NANOS1: variants seen among roughly 807,000 people sequenced by gnomAD.
NANOS1 encodes the protein nanos C2HC-type zinc finger 1.
Under a neutral mutation model 1.1 loss-of-function variants are expected in NANOS1, and 1 was observed. The observed-to-expected ratio is 0.88, with a 90% CI of 0.31 to 4.20. The LOEUF (loss-of-function observed/expected upper bound fraction) is 4.20, where lower values mean the gene tolerates loss of function less well. NANOS1 is among the 30% of genes most tolerant of loss of function. NANOS1 has a pLI of 0.17. For synonymous variants in NANOS1, 252 were observed against 230.6 expected (o/e 1.09, Z -0.84); for missense variants, 537 against 457.9 (o/e 1.17, Z -1.58).
At position 119,029,949 on chromosome 10, in the gene NANOS1, G is replaced by C; in HGVS notation, c.148G>C (p.Ala50Pro). ...CTCCTGGAACGACTACCTGGGGCTCGCCACGCTCATCACCAAAGCGGTGGA... is the reference window on the plus strand; with the variant it reads ...CTCCTGGAACGACTACCTGGGGCTCCCCACGCTCATCACCAAAGCGGTGGA... ...FSSWNDYLGL[A>P]TLITKAVDGE... The change falls in exon 1 of 1, where the codon GCC becomes CCC. Residue 50 changes from alanine (A) to proline (P), a missense_variant. Physicochemically the swap from Ala to Pro is conservative, Grantham distance 27. Transcript: ENST00000425699. The C allele has an allele frequency of 7.0e-7, 1 of 1,434,804 alleles. No individual in the cohort carries two copies. Among genetic ancestry groups the C allele is most frequent in the East Asian group, 3.1e-5 (1 of 32,440 alleles). 88.9% of individuals were successfully genotyped at this position (1,434,804 alleles called of 1,614,324 possible). A position where few individuals can be genotyped will look rare whatever the true frequency, so the allele number is the denominator to read the frequency against.
At position 119,030,091 on chromosome 10, in the gene NANOS1, G is replaced by T; in HGVS notation, c.290G>T (p.Gly97Val). The stretch of plus-strand genomic sequence containing the variant: ...ACGGGGGCCGGGCCTGGGGCGCTGG[G>T]GCCGGCGCTGGGGCCGCCCGACTAC... ...PHTGAGPGALGPALGPPDYDE... is the reference protein window; with the variant it reads ...PHTGAGPGALVPALGPPDYDE... The change falls in exon 1 of 1, where the codon GGG (glycine) becomes GTG (valine). Residue 97 changes from glycine to valine, a missense_variant. Transcript: ENST00000425699. The surrounding 1 kb of genome is among the most constrained non-coding windows in gnomAD (Gnocchi z 5.3). 7.6e-7 allele frequency: 1 copy of T among 1,312,816 alleles called. No individual in the cohort carries two copies. Among genetic ancestry groups the T allele is most frequent in the South Asian group, 2.1e-5 (1 of 47,982 alleles). 81.3% of individuals were successfully genotyped at this position (1,312,816 alleles called of 1,614,324 possible). A position where few individuals can be genotyped will look rare whatever the true frequency, so the allele number is the denominator to read the frequency against.
chr10:119,030,124 A>T lies in NANOS1; in HGVS notation c.323A>T (p.Asp108Val). Residue 108 changes from aspartate to valine, a missense_variant, in exon 1 of 1, where the codon GAC becomes GTC. By Grantham distance (152) the Asp-to-Val change is radical. Coordinates refer to ENST00000425699, the MANE Select transcript of NANOS1 (RefSeq NM_199461.4). The surrounding 1 kb of genome is among the most constrained non-coding windows in gnomAD (Gnocchi z 5.3). ...PALGPPDYDE[D>V]DDDDSDEPGS... ...CTGGGGCCGCCCGACTACGACGAGGACGACGACGACGACAGCGACGAGCCG... is the reference window on the plus strand; with the variant it reads ...CTGGGGCCGCCCGACTACGACGAGGTCGACGACGACGACAGCGACGAGCCG... 1.5e-6 allele frequency: 2 copies of T among 1,324,298 alleles called. No homozygotes were observed. Among genetic ancestry groups the T allele is most frequent in the South Asian group, 2.0e-5 (1 of 49,200 alleles). The allele number at this position is 1,324,298 out of a possible 1,614,324, so 82.0% of individuals were successfully genotyped here. A position where few individuals can be genotyped will look rare whatever the true frequency, so the allele number is the denominator to read the frequency against.
At position 119,033,645 on chromosome 10, in the gene NANOS1, AATT is replaced by A. The variant is rs1452951894; in HGVS notation, c.*2970_*2972del. 4.2e-5 allele frequency: 7 copies of A among 166,688 alleles called. No homozygotes were observed. The highest frequency in any genetic ancestry group is 1.7e-4 in the African/African-American group (7 of 41,562). 10.3% of individuals were successfully genotyped at this position (166,688 alleles called of 1,614,324 possible). A position where few individuals can be genotyped will look rare whatever the true frequency, so the allele number is the denominator to read the frequency against. ...ACAAAGTCCTTTTTGGAAGTTGCAG[AATT>A]ATTAGCTTTGATGAGAACAACTTTT... On this transcript the variant is annotated 3_prime_UTR_variant, in exon 1 of 1. Coordinates refer to ENST00000425699, the MANE Select transcript of NANOS1 (RefSeq NM_199461.4).
rs1286556793 is a variant in NANOS1 at position 119,030,654 on chromosome 10, G to C, written c.853G>C (p.Gly285Arg). 4 of 1,390,554 alleles carry C rather than the reference G, an allele frequency of 2.9e-6. No homozygotes were observed. Among genetic ancestry groups the C allele is most frequent in the African/African-American group, 1.5e-5 (1 of 67,166 alleles). The allele number at this position is 1,390,554 out of a possible 1,614,324, so 86.1% of individuals were successfully genotyped here. ...CCCGCCGCCCCGCAGCGCCAGGGAC[G>C]GCCCGCCTGGCAAGAAGCTGCGCTG... is the stretch of plus-strand genomic sequence containing the variant. Reference protein sequence around the residue: ...ARPPPRSARDGPPGKKLR With the variant: ...ARPPPRSARDRPPGKKLR Residue 285 changes from glycine to arginine, a missense_variant, in exon 1 of 1, where the codon GGC (glycine) becomes CGC (arginine). Physicochemically the swap from Gly to Arg is moderately radical, Grantham distance 125. Coordinates refer to ENST00000425699, the MANE Select transcript of NANOS1 (RefSeq NM_199461.4). The surrounding 1 kb of genome is among the most constrained non-coding windows in gnomAD (Gnocchi z 5.3).
At position 119,030,218 on chromosome 10, in the gene NANOS1, C is replaced by T. The variant is rs544963826; in HGVS notation, c.417C>T (p.Ala139=). ...LRALELCAGP[A]EAGLLEERFA... ...CGCTGGAGCTGTGCGCGGGCCCCGC[C>T]GAGGCCGGGCTGCTGGAGGAGCGCT... The change falls in exon 1 of 1, where the codon GCC becomes GCT. Residue 139 remains alanine, a synonymous_variant. Transcript: ENST00000425699. This position sits in a 1 kb window ranked among gnomAD's most constrained non-coding sequence, Gnocchi z 5.3. 5 of 1,285,858 alleles carry T rather than the reference C, an allele frequency of 3.9e-6. No individual in the cohort carries two copies. In the Admixed American group the frequency reaches 1.6e-4, roughly 41 times the overall value. 79.7% of individuals were successfully genotyped at this position (1,285,858 alleles called of 1,614,324 possible).
At position 119,030,610 on chromosome 10, in the gene NANOS1, T is replaced by C. The variant is rs1564744976; in HGVS notation, c.809T>C (p.Val270Ala). 8 of 1,483,514 alleles carry C rather than the reference T, an allele frequency of 5.4e-6. No homozygotes were observed. The highest frequency in any genetic ancestry group is 7.1e-6 in the Non-Finnish European group (8 of 1,119,484). The allele number at this position is 1,483,514 out of a possible 1,614,324, so 91.9% of individuals were successfully genotyped here. The change falls in exon 1 of 1, where the codon GTG (valine) becomes GCG (alanine). Residue 270 changes from valine (V) to alanine (A), a missense_variant. Physicochemically the swap from Val to Ala is moderately conservative, Grantham distance 64. Transcript: ENST00000425699. The surrounding 1 kb of genome is among the most constrained non-coding windows in gnomAD (Gnocchi z 5.3). ...HTIKYCPLSK[V>A]PPPPARPPPR... ...ATCAAGTACTGCCCGCTCTCCAAAGTGCCGCCGCCGCCCGCCCGCCCGCCG... is the reference window on the plus strand; with the variant it reads ...ATCAAGTACTGCCCGCTCTCCAAAGCGCCGCCGCCGCCCGCCCGCCCGCCG...
rs143230641 is a variant in NANOS1 at position 119,030,428 on chromosome 10, C to T, written c.627C>T (p.Pro209=). ...SGAAAARLLK[P]ELQVCVFCRN... ...CGGCGGCCGCCCGGCTGCTGAAGCC[C>T]GAGCTGCAGGTGTGCGTGTTCTGCC... The change falls in exon 1 of 1, where the codon CCC becomes CCT. Residue 209 remains proline (P), a synonymous_variant. Transcript: ENST00000425699. The surrounding 1 kb of genome is among the most constrained non-coding windows in gnomAD (Gnocchi z 5.3). The T allele has an allele frequency of 6.4e-5, 91 of 1,430,718 alleles. No individual in the cohort carries two copies. In the African/African-American group the frequency reaches 1.0e-3, roughly 16 times the overall value. The allele number at this position is 1,430,718 out of a possible 1,614,324, so 88.6% of individuals were successfully genotyped here.
chr10:119,029,818 G>GGGCGCCCCGCTCGCCCCGCCGCGGC lies in NANOS1; in HGVS notation c.18_42dup (p.Arg15GlyfsTer333). On this transcript the variant is annotated frameshift_variant, in exon 1 of 1. Transcript: ENST00000425699. LOFTEE classifies it high-confidence loss of function. Reference sequence around the variant, plus strand: ...AGCCCGCCCATGGAGGCTTTCCCCTGGGCGCCCCGCTCGCCCCGCCGCGGC... The same window carrying GGGCGCCCCGCTCGCCCCGCCGCGGC: ...AGCCCGCCCATGGAGGCTTTCCCCTGGGCGCCCCGCTCGCCCCGCCGCGGCGGCGCCCCGCTCGCCCCGCCGCGGC... The GGGCGCCCCGCTCGCCCCGCCGCGGC allele has an allele frequency of 8.7e-7, 1 of 1,151,502 alleles. No individual in the cohort carries two copies. The highest frequency in any genetic ancestry group is 1.1e-6 in the Non-Finnish European group (1 of 940,918). The allele number at this position is 1,151,502 out of a possible 1,614,324, so 71.3% of individuals were successfully genotyped here. A position where few individuals can be genotyped will look rare whatever the true frequency, so the allele number is the denominator to read the frequency against.
At position 119,030,263 on chromosome 10, in the gene NANOS1, C is replaced by T. The variant is rs1478275623; in HGVS notation, c.462C>T (p.Phe154=). ...AGCGCTTCGCCGAGCTGAGCCCGTT[C>T]GCGGGTCGTGCCGCCGCCGTGCTGC... ...LEERFAELSP[F]AGRAAAVLLG... Residue 154 remains phenylalanine, a synonymous_variant, in exon 1 of 1, where the codon TTC becomes TTT. Coordinates refer to ENST00000425699, the MANE Select transcript of NANOS1 (RefSeq NM_199461.4). This position sits in a 1 kb window ranked among gnomAD's most constrained non-coding sequence, Gnocchi z 5.3. The T allele has an allele frequency of 2.3e-5, 29 of 1,237,948 alleles. No homozygotes were observed. The highest frequency in any genetic ancestry group is 2.9e-5 in the Non-Finnish European group (29 of 992,638). 76.7% of individuals were successfully genotyped at this position (1,237,948 alleles called of 1,614,324 possible).
At position 119,031,766 on chromosome 10, in the gene NANOS1, T is replaced by C. The variant is rs549913058; in HGVS notation, c.*1086T>C. The C allele has an allele frequency of 1.8e-5, 3 of 167,180 alleles. No homozygotes were observed. Among genetic ancestry groups the C allele is most frequent in the Admixed American group, 6.5e-5 (1 of 15,306 alleles). 10.4% of individuals were successfully genotyped at this position (167,180 alleles called of 1,614,324 possible). On this transcript the variant is annotated 3_prime_UTR_variant, in exon 1 of 1. Transcript: ENST00000425699. ...GTGTATTAACTCGTATTCAAGAAGG[T>C]TCCACCGTGGGCTGCGTCTGACTTT...
Position 119,030,346 on chromosome 10 carries a change from G to A in NANOS1, c.545G>A (p.Arg182His), listed in dbSNP as rs1353169737. Residue 182 changes from arginine (R) to histidine (H), a missense_variant, in exon 1 of 1, where the codon CGC becomes CAC. By Grantham distance (29) the Arg-to-His change is conservative. Coordinates refer to ENST00000425699, the MANE Select transcript of NANOS1 (RefSeq NM_199461.4). The surrounding 1 kb of genome is among the most constrained non-coding windows in gnomAD (Gnocchi z 5.3). ...ACCACCACCAGCGAGGCGACGCCGC[G>A]CGAGGAGCGGGCCCCGGCGTGGGCG... is the stretch of plus-strand genomic sequence containing the variant. The part of the protein sequence containing the change: ...AATTTSEATP[R>H]EERAPAWAAE... 1.2e-5 allele frequency: 14 copies of A among 1,132,330 alleles called. No individual in the cohort carries two copies. Among genetic ancestry groups the A allele is most frequent in the Non-Finnish European group, 1.5e-5 (14 of 926,628 alleles). The allele number at this position is 1,132,330 out of a possible 1,614,324, so 70.1% of individuals were successfully genotyped here. A position where few individuals can be genotyped will look rare whatever the true frequency, so the allele number is the denominator to read the frequency against.
At position 119,030,056 on chromosome 10, in the gene NANOS1, C is replaced by A; in HGVS notation, c.255C>A (p.Cys85Ter). The change falls in exon 1 of 1, where the codon TGC becomes TGA. Residue 85 changes from cysteine (C) to a stop codon, truncating the protein, a stop_gained. Coordinates refer to ENST00000425699, the MANE Select transcript of NANOS1 (RefSeq NM_199461.4). LOFTEE classifies it low-confidence loss of function (END_TRUNC). The surrounding 1 kb of genome is among the most constrained non-coding windows in gnomAD (Gnocchi z 5.3). ...CCTCCTCCTCCTCGTCGTCCTGCTGCTCCCCCCACACGGGGGCCGGGCCTG... is the reference window on the plus strand; with the variant it reads ...CCTCCTCCTCCTCGTCGTCCTGCTGATCCCCCCACACGGGGGCCGGGCCTG... Reference protein sequence around the residue: ...SPPSSSSSSCCSPHTGAGPGA... With the variant: ...SPPSSSSSSC 1 of 1,344,188 alleles carries A rather than the reference C, an allele frequency of 7.4e-7. No individual in the cohort carries two copies. Among genetic ancestry groups the A allele is most frequent in the Non-Finnish European group, 9.5e-7 (1 of 1,049,262 alleles). 83.3% of individuals were successfully genotyped at this position (1,344,188 alleles called of 1,614,324 possible).
chr10:119,030,259 C>T lies in NANOS1; in HGVS notation c.458C>T (p.Pro153Leu). Residue 153 changes from proline to leucine, a missense_variant, in exon 1 of 1, where the codon CCG becomes CTG. Physicochemically the swap from Pro to Leu is moderately conservative, Grantham distance 98. Transcript: ENST00000425699. This position sits in a 1 kb window ranked among gnomAD's most constrained non-coding sequence, Gnocchi z 5.3. ...GAGGAGCGCTTCGCCGAGCTGAGCC[C>T]GTTCGCGGGTCGTGCCGCCGCCGTG... ...LLEERFAELS[P>L]FAGRAAAVLL... 2 of 1,242,846 alleles carry T rather than the reference C, an allele frequency of 1.6e-6. No individual in the cohort carries two copies. Among genetic ancestry groups the T allele is most frequent in the Non-Finnish European group, 2.0e-6 (2 of 995,612 alleles). 77.0% of individuals were successfully genotyped at this position (1,242,846 alleles called of 1,614,324 possible). A position where few individuals can be genotyped will look rare whatever the true frequency, so the allele number is the denominator to read the frequency against.
chr10:119,030,823 A>T lies in NANOS1; in HGVS notation c.*143A>T, dbSNP rs1030088651. On this transcript the variant is annotated 3_prime_UTR_variant, in exon 1 of 1. Transcript: ENST00000425699. The surrounding 1 kb of genome is among the most constrained non-coding windows in gnomAD (Gnocchi z 5.3). Reference sequence around the variant, plus strand: ...GTCGTCCTGGTGGTTTTTGAAAAGCAGCCGACCGTGTGGAGTACTTCCGTG... The same window carrying T: ...GTCGTCCTGGTGGTTTTTGAAAAGCTGCCGACCGTGTGGAGTACTTCCGTG... 7 of 1,153,404 alleles carry T rather than the reference A, an allele frequency of 6.1e-6. No homozygotes were observed. The highest frequency in any genetic ancestry group is 7.7e-6 in the Non-Finnish European group (7 of 909,572). 71.4% of individuals were successfully genotyped at this position (1,153,404 alleles called of 1,614,324 possible). A position where few individuals can be genotyped will look rare whatever the true frequency, so the allele number is the denominator to read the frequency against.
chr10:119,030,609 G>A lies in NANOS1; in HGVS notation c.808G>A (p.Val270Met), dbSNP rs765509706. 3 of 1,486,558 alleles carry A rather than the reference G, an allele frequency of 2.0e-6. No homozygotes were observed. The highest frequency in any genetic ancestry group is 2.8e-5 in the East Asian group (1 of 36,202). The allele number at this position is 1,486,558 out of a possible 1,614,324, so 92.1% of individuals were successfully genotyped here. A position where few individuals can be genotyped will look rare whatever the true frequency, so the allele number is the denominator to read the frequency against. The change falls in exon 1 of 1, where the codon GTG becomes ATG. Residue 270 changes from valine (V) to methionine (M), a missense_variant. Val to Met is a conservative substitution (Grantham distance 21). Coordinates refer to ENST00000425699, the MANE Select transcript of NANOS1 (RefSeq NM_199461.4). This position sits in a 1 kb window ranked among gnomAD's most constrained non-coding sequence, Gnocchi z 5.3. ...CATCAAGTACTGCCCGCTCTCCAAAGTGCCGCCGCCGCCCGCCCGCCCGCC... is the reference window on the plus strand; with the variant it reads ...CATCAAGTACTGCCCGCTCTCCAAAATGCCGCCGCCGCCCGCCCGCCCGCC... ...HTIKYCPLSK[V>M]PPPPARPPPR... is the part of the protein sequence containing the mutation.
Position 119,029,991 on chromosome 10 carries a change from G to A in NANOS1, c.190G>A (p.Gly64Ser), listed in dbSNP as rs1232053597. The A allele has an allele frequency of 6.6e-5, 93 of 1,415,130 alleles. No individual in the cohort carries two copies. Among genetic ancestry groups the A allele is most frequent in the Non-Finnish European group, 8.4e-5 (91 of 1,085,014 alleles). The allele number at this position is 1,415,130 out of a possible 1,614,324, so 87.7% of individuals were successfully genotyped here. A position where few individuals can be genotyped will look rare whatever the true frequency, so the allele number is the denominator to read the frequency against. ...TKAVDGEPRF[G>S]CARGGNGGGG... The stretch of plus-strand genomic sequence containing the variant: ...AGCGGTGGACGGCGAGCCGCGCTTC[G>A]GCTGCGCCCGCGGTGGGAACGGCGG... The change falls in exon 1 of 1, where the codon GGC (glycine) becomes AGC (serine). Residue 64 changes from glycine to serine, a missense_variant. By Grantham distance (56) the Gly-to-Ser change is moderately conservative (BLOSUM62 0). Coordinates refer to ENST00000425699, the MANE Select transcript of NANOS1 (RefSeq NM_199461.4).
Position 119,029,763 on chromosome 10 carries a change from C to CCGG in NANOS1, c.-32_-30dup. On this transcript the variant is annotated 5_prime_UTR_variant, in exon 1 of 1. Transcript: ENST00000425699. ...GCGTGTCCCTTCCGTCCGGCCCGCG[C>CCGG]CGGCGGCGGGGAGGCGGCGCGCGGC... The CCGG allele has an allele frequency of 5.1e-6, 5 of 974,750 alleles. No individual in the cohort carries two copies. Among genetic ancestry groups the CCGG allele is most frequent in the Non-Finnish European group, 6.1e-6 (5 of 822,600 alleles). 60.4% of individuals were successfully genotyped at this position (974,750 alleles called of 1,614,324 possible). A position where few individuals can be genotyped will look rare whatever the true frequency, so the allele number is the denominator to read the frequency against.
chr10:119,031,486 TTG>T lies in NANOS1; in HGVS notation c.*810_*811del, dbSNP rs1309536784. 6.0e-6 allele frequency: 1 copy of T among 167,070 alleles called. No homozygotes were observed. Among genetic ancestry groups the T allele is most frequent in the Admixed American group, 6.5e-5 (1 of 15,284 alleles). 10.3% of individuals were successfully genotyped at this position (167,070 alleles called of 1,614,324 possible). A position where few individuals can be genotyped will look rare whatever the true frequency, so the allele number is the denominator to read the frequency against. On this transcript the variant is annotated 3_prime_UTR_variant, in exon 1 of 1. Transcript: ENST00000425699. Reference sequence around the variant, plus strand: ...TTGGAAATGGTGCTGTTTAAAAAAATTGTGTATTTATACAGTAACAGTATGAA... The same window carrying T: ...TTGGAAATGGTGCTGTTTAAAAAAATTGTATTTATACAGTAACAGTATGAA...
In NANOS1 at chr10:119,029,826, C is replaced by A; in HGVS notation, c.25C>A (p.Arg9Ser). Residue 9 changes from arginine to serine, a missense_variant, in exon 1 of 1, where the codon CGC (arginine) becomes AGC (serine). Coordinates refer to ENST00000425699, the MANE Select transcript of NANOS1 (RefSeq NM_199461.4). Reference protein sequence around the residue: MEAFPWAPRSPRRGRAPPP... With the variant: MEAFPWAPSSPRRGRAPPP... The stretch of plus-strand genomic sequence containing the variant: ...CATGGAGGCTTTCCCCTGGGCGCCC[C>A]GCTCGCCCCGCCGCGGCCGCGCCCC... 1 of 1,171,930 alleles carries A rather than the reference C, an allele frequency of 8.5e-7. No homozygotes were observed. The highest frequency in any genetic ancestry group is 1.0e-6 in the Non-Finnish European group (1 of 954,242). 72.6% of individuals were successfully genotyped at this position (1,171,930 alleles called of 1,614,324 possible).
Sources: gnomAD v4.1 joint callset for allele counts on GRCh38, gnomAD v4.1.1 for gene constraint, Gnocchi (gnomAD v3.1) non-coding constraint, MANE v1.5 for transcripts, NCBI Gene and HGNC (gene_info 2026-07-23, HGNC 2026-07-21) for gene names.